Variants in SYT4 observed in about 807,000 individuals in gnomAD.
SYT4 encodes synaptotagmin 4.
Under a neutral mutation model 32.9 loss-of-function variants are expected in SYT4, and 7 were observed. That is an observed-to-expected ratio of 0.21 (90% confidence interval 0.12 to 0.40). The LOEUF (loss-of-function observed/expected upper bound fraction) is 0.40, where lower values mean the gene tolerates loss of function less well. Among genes scored for constraint, SYT4 ranks in the 10% least tolerant of loss-of-function variants. The probability of loss-of-function intolerance (pLI) is 1.00; values close to 1 mark genes in which losing one functional copy is unlikely to be tolerated. For missense variants in SYT4, 480 were observed against 488.0 expected, an observed-to-expected ratio of 0.98 and a Z score of 0.16; for synonymous variants, 205 against 186.2, an observed-to-expected ratio of 1.10 and a Z score of -0.82.
Position 43,270,176 on chromosome 18 carries a change from C to T in SYT4, c.*165G>A. On this transcript the variant is annotated 3_prime_UTR_variant, in exon 4 of 4. Transcript: ENST00000255224. ...AATAAATAGGGAAATTATCATAATA[C>T]ACATTTGAAGTTACTTTCTGGTCTA... is the stretch of plus-strand genomic sequence containing the variant. The T allele has an allele frequency of 1.4e-6, 1 of 702,882 alleles. No homozygotes were observed. Among genetic ancestry groups the T allele is most frequent in the Non-Finnish European group, 2.4e-6 (1 of 415,246 alleles). The allele number at this position is 702,882 out of a possible 1,614,324, so 43.5% of individuals were successfully genotyped here. A position where few individuals can be genotyped will look rare whatever the true frequency, so the allele number is the denominator to read the frequency against.
rs1908501094 is a variant in SYT4 at position 43,267,915 on chromosome 18, C to T, written c.*2426G>A. On this transcript the variant is annotated 3_prime_UTR_variant, in exon 4 of 4. Coordinates refer to ENST00000255224, the MANE Select transcript of SYT4 (RefSeq NM_020783.4). The stretch of plus-strand genomic sequence containing the variant: ...GGTTGGGCAAAAGCAGCAATTTATT[C>T]ATGTCTTACAAACATGGTCTTACAA... 6.6e-6 allele frequency: 1 copy of T among 152,186 alleles called. No individual in the cohort carries two copies. Among genetic ancestry groups the T allele is most frequent in the Non-Finnish European group, 1.5e-5 (1 of 68,044 alleles). The allele number at this position is 152,186 out of a possible 1,614,324, so 9.4% of individuals were successfully genotyped here. A position where few individuals can be genotyped will look rare whatever the true frequency, so the allele number is the denominator to read the frequency against.
At position 43,269,196 on chromosome 18, in the gene SYT4, C is replaced by A. The variant is rs566193552; in HGVS notation, c.*1145G>T. The stretch of plus-strand genomic sequence containing the variant: ...TTAGCCTAGAAAAGATAGTGAAACA[C>A]ATTCTTTGTTGTGCTAATTTGACAG... On this transcript the variant is annotated 3_prime_UTR_variant, in exon 4 of 4. Transcript: ENST00000255224. 1 of 152,282 alleles carries A rather than the reference C, an allele frequency of 6.6e-6. No individual in the cohort carries two copies. The highest frequency in any genetic ancestry group is 1.9e-4 in the East Asian group (1 of 5,182). The allele number at this position is 152,282 out of a possible 1,614,324, so 9.4% of individuals were successfully genotyped here.
In SYT4 at chr18:43,274,022, G is replaced by A. The variant is rs1908713813; in HGVS notation, c.407C>T (p.Pro136Leu). 3 of 1,613,760 alleles carry A rather than the reference G, an allele frequency of 1.9e-6. No homozygotes were observed. The South Asian group carries it at 3.3e-5, about 18-fold the overall frequency. ...FLEGEKESVS[P>L]ESLKSSTSLT... is the part of the protein sequence containing the mutation. ...GGAAGTGCTGGACTTTAAACTCTCA[G>A]GGGAAACTGACTCTTTTTCCCCTTC... The change falls in exon 2 of 4, where the codon CCT (proline) becomes CTT (leucine). Residue 136 changes from proline to leucine, a missense_variant. Pro to Leu is a moderately conservative substitution (Grantham distance 98). Transcript: ENST00000255224.
Position 43,270,464 on chromosome 18 carries a change from A to G in SYT4, c.1155T>C (p.Asn385=), listed in dbSNP as rs1908594662. 6.2e-7 allele frequency: 1 copy of G among 1,614,060 alleles called. No individual in the cohort carries two copies. Among genetic ancestry groups the G allele is most frequent in the African/African-American group, 1.3e-5 (1 of 75,038 alleles). The change falls in exon 4 of 4, where the codon AAT becomes AAC. Residue 385 remains asparagine, a synonymous_variant. Coordinates refer to ENST00000255224, the MANE Select transcript of SYT4 (RefSeq NM_020783.4). ...CCAAGACTAACTGCCCGATTACCTC[A>G]TTTCGGGACCCCCTTTCAGAATCCA... ...LVLDSERGSR[N]EVIGQLVLGA...
intron 2 of SYT4, chr18:43,272,069 A>C (rs1908649037): frequency 1.8e-5 from 5 of 282,196 alleles, no homozygotes; most frequent in Non-Finnish European, 3.3e-5. Flanking sequence ...AATTGGCAAT[A>C]AATTGGCCAC....
rs1032762106 is a variant in SYT4 at position 43,268,269 on chromosome 18, C to A, written c.*2072G>T. Reference sequence around the variant, plus strand: ...TTTCAATTCCTTTGTTGTTTCTTTTCTCTTTTCTGAAAACCAGTTGCAAAT... The same window carrying A: ...TTTCAATTCCTTTGTTGTTTCTTTTATCTTTTCTGAAAACCAGTTGCAAAT... On this transcript the variant is annotated 3_prime_UTR_variant, in exon 4 of 4. Transcript: ENST00000255224. The A allele has an allele frequency of 1.3e-5, 2 of 152,518 alleles. No individual in the cohort carries two copies. Among genetic ancestry groups the A allele is most frequent in the Non-Finnish European group, 2.9e-5 (2 of 68,000 alleles). 9.4% of individuals were successfully genotyped at this position (152,518 alleles called of 1,614,324 possible). A position where few individuals can be genotyped will look rare whatever the true frequency, so the allele number is the denominator to read the frequency against.
rs75437862 is a variant in SYT4 at position 43,270,126 on chromosome 18, T to G, written c.*215A>C. The G allele has an allele frequency of 6.7e-3, 3,761 of 562,014 alleles. 51 individuals are homozygous for G. Among genetic ancestry groups the G allele is most frequent in the African/African-American group, 0.043 (2,322 of 53,450 alleles). The allele number at this position is 562,014 out of a possible 1,614,324, so 34.8% of individuals were successfully genotyped here. A position where few individuals can be genotyped will look rare whatever the true frequency, so the allele number is the denominator to read the frequency against. On this transcript the variant is annotated 3_prime_UTR_variant, in exon 4 of 4. Coordinates refer to ENST00000255224, the MANE Select transcript of SYT4 (RefSeq NM_020783.4). ...TAATCTGAAGGAGATATTGAATATC[T>G]TATGAAAATTTATCCAACTCTTCTA...
intron 1 of SYT4, among the ~76,000 whole-genome samples, chr18:43,276,771 C>T (rs767239502): frequency 2.0e-5 from 3 of 152,080 alleles, no homozygotes; most frequent in Admixed American, 6.5e-5. Context: ...AGAAAAACAC[C>T]CATATGGTAC....
At position 43,269,441 on chromosome 18, in the gene SYT4, T is replaced by G. The variant is rs1293227471; in HGVS notation, c.*900A>C. 1.3e-5 allele frequency: 2 copies of G among 152,370 alleles called. No homozygotes were observed. Among genetic ancestry groups the G allele is most frequent in the African/African-American group, 4.8e-5 (2 of 41,466 alleles). 9.4% of individuals were successfully genotyped at this position (152,370 alleles called of 1,614,324 possible). On this transcript the variant is annotated 3_prime_UTR_variant, in exon 4 of 4. Coordinates refer to ENST00000255224, the MANE Select transcript of SYT4 (RefSeq NM_020783.4). ...CGACTCTGGGTACAAACGATGGCCT[T>G]AAAAGTACACTTGCACACTATACCT...
rs748999170 is a variant in SYT4, at chr18:43,270,583, T to G, written c.1036A>C (p.Lys346Gln). ...KRISKKKTHV[K>Q]KCTPNAVFNE... ...AACACTGCATTGGGGGTGCATTTCT[T>G]CACATGAGTCTTCTTCTTGGAGATT... Residue 346 changes from lysine (K) to glutamine (Q), a missense_variant, in exon 4 of 4, where the codon AAG becomes CAG. Physicochemically the swap from Lys to Gln is moderately conservative, Grantham distance 53. Transcript: ENST00000255224. 1 of 1,614,056 alleles carries G rather than the reference T, an allele frequency of 6.2e-7. No homozygotes were observed. Among genetic ancestry groups the G allele is most frequent in the East Asian group, 2.2e-5 (1 of 44,848 alleles).
At position 43,268,977 on chromosome 18, in the gene SYT4, T is replaced by A. The variant is rs950719681; in HGVS notation, c.*1364A>T. The A allele has an allele frequency of 1.3e-5, 2 of 152,472 alleles. No homozygotes were observed. The highest frequency in any genetic ancestry group is 2.9e-5 in the Non-Finnish European group (2 of 68,038). 9.4% of individuals were successfully genotyped at this position (152,472 alleles called of 1,614,324 possible). ...TAACTTGCATATTTAATAATTCAAC[T>A]GTACTCAAGTTCCACTCATACTTCT... On this transcript the variant is annotated 3_prime_UTR_variant, in exon 4 of 4. Transcript: ENST00000255224.
rs565087841 is a variant in SYT4 at position 43,274,962 on chromosome 18, T to C, written c.35-568A>G. 3.3e-5 allele frequency among the ~76,000 whole-genome samples: 5 copies of C among 152,108 alleles called. No homozygotes were observed. The South Asian group carries it at 8.3e-4, about 25-fold the overall frequency. On this transcript the variant is annotated intron_variant, in intron 1 of 3. Coordinates refer to ENST00000255224, the MANE Select transcript of SYT4 (RefSeq NM_020783.4). ...TTATGGAACAGTGGTAAAAGAAATATACATATATTAGAGAAAGTAAAACAA... is the reference window on the plus strand; with the variant it reads ...TTATGGAACAGTGGTAAAAGAAATACACATATATTAGAGAAAGTAAAACAA...
chr18:43,270,669 C>T (rs1198992921), intron 3 of SYT4, 21 bp from the exon 4 acceptor site: 3 of 1,609,006 alleles, frequency 1.9e-6, no homozygotes, highest in South Asian at 1.1e-5. Context: ...ACATAACAGG[C>T]ATTACAATGG....
At chr18:43,271,602 A>T in intron 3 of SYT4, 110 bp downstream of exon 3, 1 of 1,393,458 alleles carries the variant, frequency 7.2e-7, no homozygotes, top group South Asian at 1.5e-5. Context: ...TTTATAGCAG[A>T]TACATAAGGT....
rs143090156 is a variant in SYT4, at chr18:43,273,644, G to A, written c.785C>T (p.Ser262Leu). 3.1e-4 allele frequency: 504 copies of A among 1,613,446 alleles called. No homozygotes were observed. The highest frequency in any genetic ancestry group is 1.3e-3 in the Admixed American group (78 of 59,966). Residue 262 changes from serine (S) to leucine (L), a missense_variant, in exon 2 of 4, where the codon TCG (serine) becomes TTG (leucine). Ser to Leu is a moderately radical substitution (Grantham distance 145). Coordinates refer to ENST00000255224, the MANE Select transcript of SYT4 (RefSeq NM_020783.4). ...TTTTCCTTCAGATAATTCAATTCCCGAGAGAGGAATTAGAACTTCCCCAAT... is the reference window on the plus strand; with the variant it reads ...TTTTCCTTCAGATAATTCAATTCCCAAGAGAGGAATTAGAACTTCCCCAAT... ...DIIGEVLIPL[S>L]GIELSEGKML...
At position 43,273,744 on chromosome 18, in the gene SYT4, G is replaced by T; in HGVS notation, c.685C>A (p.Pro229Thr). Residue 229 changes from proline (P) to threonine (T), a missense_variant, in exon 2 of 4, where the codon CCC (proline) becomes ACC (threonine). Coordinates refer to ENST00000255224, the MANE Select transcript of SYT4 (RefSeq NM_020783.4). ...FDETFTFYGI[P>T]YTQIQELALH... is the part of the protein sequence containing the mutation. ...GCCAATTCTTGGATTTGGGTGTAGG[G>T]TATCCCATAGAATGTAAAGGTCTCA... is the stretch of plus-strand genomic sequence containing the variant. The T allele has an allele frequency of 6.2e-7, 1 of 1,613,960 alleles. No homozygotes were observed.
At chr18:43,276,868 T>C (rs1047739003) in intron 1 of SYT4, among the ~76,000 whole-genome samples, 2 of 152,152 alleles carry the variant, frequency 1.3e-5, no homozygotes, top group Admixed American at 6.5e-5. Context: ...ACCAGAGATA[T>C]ATTTATCTTC....
Position 43,273,644 on chromosome 18 carries a change from G to C in SYT4, c.785C>G (p.Ser262Trp), listed in dbSNP as rs143090156. ...TTTTCCTTCAGATAATTCAATTCCCGAGAGAGGAATTAGAACTTCCCCAAT... is the reference window on the plus strand; with the variant it reads ...TTTTCCTTCAGATAATTCAATTCCCCAGAGAGGAATTAGAACTTCCCCAAT... ...DIIGEVLIPL[S>W]GIELSEGKML... Residue 262 changes from serine (S) to tryptophan (W), a missense_variant, in exon 2 of 4, where the codon TCG (serine) becomes TGG (tryptophan). Ser to Trp is a radical substitution (Grantham distance 177, BLOSUM62 -3). Coordinates refer to ENST00000255224, the MANE Select transcript of SYT4 (RefSeq NM_020783.4). 1 of 1,613,448 alleles carries C rather than the reference G, an allele frequency of 6.2e-7. No individual in the cohort carries two copies. Among genetic ancestry groups the C allele is most frequent in the Non-Finnish European group, 8.5e-7 (1 of 1,179,650 alleles).
In SYT4 at chr18:43,274,080, CAGA is replaced by C. The variant is rs1568121139; in HGVS notation, c.346_348del (p.Ser116del). On this transcript the variant is annotated inframe_deletion, in exon 2 of 4. Coordinates refer to ENST00000255224, the MANE Select transcript of SYT4 (RefSeq NM_020783.4). ...AGCTTCGGGGTTGCATTCTCCAGAT[CAGA>C]AGGACTGCCAGGTTTGAGGTTGGTT... 4.3e-6 allele frequency: 7 copies of C among 1,614,036 alleles called. No homozygotes were observed. The highest frequency in any genetic ancestry group is 5.9e-6 in the Non-Finnish European group (7 of 1,179,954).
Sources: allele counts gnomAD v4.1 joint callset (sites outside exome capture counted in the v4.1 genomes callset), GRCh38; gene constraint gnomAD v4.1.1; transcripts MANE v1.5; gene names NCBI Gene and HGNC (gene_info 2026-07-23, HGNC 2026-07-21).